The following RASEF variants were observed in gnomAD, a reference collection of about 807,000 sequenced individuals.
RASEF encodes the protein ras and EF-hand domain-containing protein.
RASEF carries 68 observed loss-of-function variants against 90.1 expected under a neutral mutation model. That is an observed-to-expected ratio of 0.75 (90% CI 0.62 to 0.92). The LOEUF (loss-of-function observed/expected upper bound fraction) is 0.92. Among genes scored for constraint, RASEF ranks in the 40% least tolerant of loss-of-function variants. The probability of loss-of-function intolerance (pLI) is 0.00; values close to 1 mark genes in which losing one functional copy is unlikely to be tolerated. For synonymous variants in RASEF, 331 were observed against 345.2 expected, an observed-to-expected ratio of 0.96 and a Z score of 0.46; for missense variants, 949 against 937.2, an observed-to-expected ratio of 1.01 and a Z score of -0.16.
chr9:83,207,449 C>T, the RASEF span, among the ~76,000 whole-genome samples: 4 of 152,040 alleles, frequency 2.6e-5, no homozygotes, highest in South Asian at 2.1e-4. Flanking sequence ...GTGGGTTCAT[C>T]GAAGTTACCA....
chr9:83,213,862 A>ACTTTCCC, the RASEF span, among the ~76,000 whole-genome samples: 1 of 152,342 alleles, frequency 6.6e-6, no homozygotes, highest in East Asian at 1.9e-4. Flanking sequence ...AAAATATTCT[A>ACTTTCCC]CTTTCCCCTT....
At chr9:83,095,448 C>T in the RASEF span, among the ~76,000 whole-genome samples, 1 of 149,386 alleles carries the variant, frequency 6.7e-6, no homozygotes, top group Admixed American at 6.7e-5. Flanking sequence ...AGGCCCTTCC[C>T]ACCTTAGACT....
chr9:83,102,894 GC>G, the RASEF span, among the ~76,000 whole-genome samples: 2 of 152,222 alleles, frequency 1.3e-5, no homozygotes, highest in African/African-American at 4.8e-5. Context: ...CACATTTGCA[GC>G]CGAGTCCTTT....
At chr9:83,092,173 T>C in the RASEF span, among the ~76,000 whole-genome samples, 1 of 152,082 alleles carries the variant, frequency 6.6e-6, no homozygotes, top group African/African-American at 2.4e-5. Context: ...TACTCTGTCA[T>C]TTTCACTGAC....
At chr9:83,121,202 T>G in the RASEF span, among the ~76,000 whole-genome samples, 1 of 152,156 alleles carries the variant, frequency 6.6e-6, no homozygotes, top group Non-Finnish European at 1.5e-5. Flanking sequence ...GAAAAAAATG[T>G]TCAAGGCAAT....
intron 5 of RASEF, among the ~76,000 whole-genome samples, chr9:83,012,171 G>C (rs1829258820): frequency 6.6e-6 from 1 of 151,960 alleles, no homozygotes; most frequent in African/African-American, 2.4e-5. Context: ...GAAGAACACA[G>C]GGTTAACTGT....
In RASEF at chr9:82,990,304, T is replaced by C. The variant is rs142730200; in HGVS notation, c.2117+87A>G. 409 of 856,758 alleles carry C rather than the reference T, an allele frequency of 4.8e-4. 2 individuals carry two copies. Among genetic ancestry groups the C allele is most frequent in the Middle Eastern group, 2.2e-3 (10 of 4,452 alleles). 53.1% of individuals were successfully genotyped at this position (856,758 alleles called of 1,614,324 possible). A position where few individuals can be genotyped will look rare whatever the true frequency, so the allele number is the denominator to read the frequency against. Reference sequence around the variant, plus strand: ...ACAGATAAGAGAGTGTTTTCCCGCATATATTCTATCTGCACATTATGGACA... The same window carrying C: ...ACAGATAAGAGAGTGTTTTCCCGCACATATTCTATCTGCACATTATGGACA... On this transcript the variant is annotated intron_variant, in intron 16 of 16. Transcript: ENST00000376447.
At chr9:83,095,364 C>T in the RASEF span, among the ~76,000 whole-genome samples, 7 of 151,286 alleles carry the variant, frequency 4.6e-5, no homozygotes, top group Admixed American at 4.6e-4. Flanking sequence ...TTACCGTCAC[C>T]CCTATGGCAG....
At chr9:83,190,396 G>C in the RASEF span, among the ~76,000 whole-genome samples, 1 of 152,044 alleles carries the variant, frequency 6.6e-6, no homozygotes, top group African/African-American at 2.4e-5. Flanking sequence ...TTTCGTTCTA[G>C]TGGATCAATG....
chr9:83,003,509 T>C (rs545549152), intron 9 of RASEF, among the ~76,000 whole-genome samples: 26 of 152,240 alleles, frequency 1.7e-4, no homozygotes, highest in Non-Finnish European at 3.2e-4. Context: ...AAAAATGACA[T>C]CACACCTACA....
the RASEF span, among the ~76,000 whole-genome samples, chr9:83,102,432 G>C: frequency 2.6e-5 from 4 of 152,184 alleles, no homozygotes; most frequent in Admixed American, 2.6e-4. Context: ...AAGCGATTCA[G>C]CTTTGTTGCT....
Position 82,988,936 on chromosome 9 carries a change from T to C in RASEF, c.2117+1455A>G, listed in dbSNP as rs114149566. 4.9e-3 allele frequency among the ~76,000 whole-genome samples: 751 copies of C among 152,306 alleles called. 8 individuals carry two copies. The highest frequency in any genetic ancestry group is 0.017 in the African/African-American group (724 of 41,572). On this transcript the variant is annotated intron_variant, in intron 16 of 16. Transcript: ENST00000376447. ...TTCAAGGTTAGCACTGTTTTTGCTTTAAACAAAAATGATTTCCAGTGTTGT... is the reference window on the plus strand; with the variant it reads ...TTCAAGGTTAGCACTGTTTTTGCTTCAAACAAAAATGATTTCCAGTGTTGT...
In RASEF at chr9:83,000,534, C is replaced by T. The variant is rs60997315; in HGVS notation, c.1474G>A (p.Glu492Lys). 5.6e-6 allele frequency: 9 copies of T among 1,613,576 alleles called. No individual in the cohort carries two copies. In the East Asian group the frequency reaches 2.0e-4, roughly 36 times the overall value. Residue 492 changes from glutamate (E) to lysine (K), a missense_variant, in exon 11 of 17, where the codon GAA becomes AAA. Physicochemically the swap from Glu to Lys is moderately conservative, Grantham distance 56. Around this residue, in one of 3 missense-constraint regions of RASEF, gnomAD observed 288 missense variants for 328.4 expected, o/e 0.88. Coordinates refer to ENST00000376447, the MANE Select transcript of RASEF (RefSeq NM_152573.4). ...CAGTCTAAGACGGAAGCCACATCTT[C>T]TAAACCAAATGTCTCTTCATCCCTT... ...DIRDEETFGL[E>K]DVASVLDWKP...
intron 7 of RASEF, among the ~76,000 whole-genome samples, chr9:83,006,842 C>G (rs1037642048): frequency 6.6e-6 from 1 of 152,124 alleles, no homozygotes; most frequent in East Asian, 1.9e-4. Context: ...GCCTGTCATC[C>G]CAGCACTTTG....
intron 1 of RASEF, chr9:83,048,188 G>A (rs1018795202): frequency 2.7e-5 from 27 of 985,258 alleles, no homozygotes; most frequent in Admixed American, 1.2e-4. Context: ...TAGTAAGAGC[G>A]GAAGGAGCTT....
chr9:83,007,738 C>A (rs890034516), intron 6 of RASEF, among the ~76,000 whole-genome samples: 2 of 152,070 alleles, frequency 1.3e-5, no homozygotes, highest in Admixed American at 6.5e-5. Flanking sequence ...GTCTCTGCCC[C>A]GCCTCCGACA....
the RASEF span, among the ~76,000 whole-genome samples, chr9:83,072,240 C>T: frequency 6.6e-6 from 1 of 152,132 alleles, no homozygotes; most frequent in South Asian, 2.1e-4. Flanking sequence ...AGGACCCCAA[C>T]ACCATCCTCA....
chr9:83,193,516 G>A, the RASEF span, among the ~76,000 whole-genome samples: 1 of 152,190 alleles, frequency 6.6e-6, no homozygotes, highest in South Asian at 2.1e-4. Flanking sequence ...GGAGTAAGCA[G>A]AATTCAAATC....
At chr9:82,998,858 A>G (rs953094870) in intron 12 of RASEF, among the ~76,000 whole-genome samples, 2 of 152,104 alleles carry the variant, frequency 1.3e-5, no homozygotes, top group African/African-American at 2.4e-5. Flanking sequence ...GTGTATATGC[A>G]TGTATGTATA....
Sources: gnomAD v4.1 joint callset for allele counts (sites outside exome capture counted in the v4.1 genomes callset) on GRCh38, gnomAD v4.1.1 for gene constraint, gnomAD v4.1.1 regional missense constraint, MANE v1.5 for transcripts, NCBI Gene and HGNC (gene_info 2026-07-23, HGNC 2026-07-21) for gene names.